OR1J2: variants seen among roughly 807,000 people sequenced by gnomAD.
OR1J2 encodes the protein olfactory receptor 1J2.
For missense variants in OR1J2, 304 were observed against 246.1 expected (o/e 1.24, Z -1.57); for synonymous variants, 142 against 99.7 (o/e 1.42, Z -2.52).
chr9:122,564,340 T>C, the OR1J2 span, among the ~76,000 whole-genome samples: 2 of 152,198 alleles, frequency 1.3e-5, no homozygotes, highest in African/African-American at 4.8e-5. Flanking sequence ...CTAATATGCA[T>C]AATTAGAATA....
the OR1J2 span, among the ~76,000 whole-genome samples, chr9:122,497,902 A>AT: frequency 6.6e-6 from 1 of 152,022 alleles, no homozygotes. Flanking sequence ...ATTTCAAAGA[A>AT]TTTTTTTATT....
the OR1J2 span, among the ~76,000 whole-genome samples, chr9:122,502,815 A>G: frequency 2.0e-5 from 3 of 152,310 alleles, no homozygotes; most frequent in East Asian, 5.8e-4. Context: ...CAGCAGAGCA[A>G]AAAGTTCAAG....
the OR1J2 span, among the ~76,000 whole-genome samples, chr9:122,540,389 T>C: frequency 6.6e-6 from 1 of 152,250 alleles, no homozygotes; most frequent in Non-Finnish European, 1.5e-5. Flanking sequence ...TCCCCACTTC[T>C]TGTTTTTGTC....
chr9:122,470,628 G>A, the OR1J2 span, among the ~76,000 whole-genome samples: 5 of 152,164 alleles, frequency 3.3e-5, no homozygotes, highest in African/African-American at 1.2e-4. Flanking sequence ...CCAGACCCCA[G>A]AATTGTAGAG....
chr9:122,484,523 T>C, the OR1J2 span, among the ~76,000 whole-genome samples: 1 of 152,250 alleles, frequency 6.6e-6, no homozygotes, highest in Admixed American at 6.5e-5. Context: ...AATGGGCAGA[T>C]TATCCTATTG....
the OR1J2 span, chr9:122,519,475 A>G: frequency 3.7e-6 from 6 of 1,613,860 alleles, no homozygotes; most frequent in South Asian, 6.6e-5. Context: ...GATCTAGACA[A>G]TTTCCTTCTC....
chr9:122,510,840 C>G lies in OR1J2; in HGVS notation c.39C>G (p.Leu13=), dbSNP rs768070987. The change falls in exon 1 of 1, where the codon CTC becomes CTG. Residue 13 remains leucine (L), a synonymous_variant. Coordinates refer to ENST00000335302, the MANE Select transcript of OR1J2 (RefSeq NM_054107.1). ...PENQSSVSEF[L]LLGLPIRPEQ... ...ACCAGAGCAGCGTGTCCGAGTTCCTCCTTCTGGGCCTCCCCATCCGGCCAG... is the reference window on the plus strand; with the variant it reads ...ACCAGAGCAGCGTGTCCGAGTTCCTGCTTCTGGGCCTCCCCATCCGGCCAG... The G allele has an allele frequency of 6.2e-7, 1 of 1,605,326 alleles. No individual in the cohort carries two copies.
chr9:122,454,462 G>A, the OR1J2 span, among the ~76,000 whole-genome samples: 36 of 152,102 alleles, frequency 2.4e-4, no homozygotes, highest in African/African-American at 8.2e-4. Context: ...AGGTTGCAGC[G>A]AGCTGAGATC....
the OR1J2 span, chr9:122,553,188 C>T: frequency 2.4e-5 from 38 of 1,609,492 alleles, no homozygotes; most frequent in Middle Eastern, 1.7e-4. Flanking sequence ...TTTTTATCTG[C>T]GCAGATCACA....
chr9:122,448,270 T>G, the OR1J2 span, among the ~76,000 whole-genome samples: 8 of 152,172 alleles, frequency 5.3e-5, no homozygotes, highest in Admixed American at 3.9e-4. Context: ...AGATTTATGC[T>G]TTTCTCCACC....
At chr9:122,502,175 A>C in the OR1J2 span, among the ~76,000 whole-genome samples, 1 of 152,220 alleles carries the variant, frequency 6.6e-6, no homozygotes, top group Non-Finnish European at 1.5e-5. Context: ...GACAGAATGC[A>C]CTGAAGCAGT....
At chr9:122,503,926 T>C in the OR1J2 span, among the ~76,000 whole-genome samples, 2 of 152,144 alleles carry the variant, frequency 1.3e-5, no homozygotes, top group East Asian at 1.9e-4. Context: ...CCCACAAACA[T>C]ATATGGCCAA....
the OR1J2 span, among the ~76,000 whole-genome samples, chr9:122,571,547 C>CAA: frequency 2.4e-4 from 31 of 126,876 alleles, no homozygotes; most frequent in African/African-American, 8.1e-4. Flanking sequence ...CAGACTGTCT[C>CAA]AAAAAAAAAA....
At chr9:122,534,637 T>G in the OR1J2 span, among the ~76,000 whole-genome samples, 1 of 151,652 alleles carries the variant, frequency 6.6e-6, no homozygotes, top group Non-Finnish European at 1.5e-5. Flanking sequence ...GGCTGAGGAA[T>G]AATTGGGACC....
At chr9:122,449,300 C>A in the OR1J2 span, among the ~76,000 whole-genome samples, 1 of 152,118 alleles carries the variant, frequency 6.6e-6, no homozygotes, top group African/African-American at 2.4e-5. Context: ...GGCATTGCAC[C>A]AGATCTGGGG....
the OR1J2 span, among the ~76,000 whole-genome samples, chr9:122,505,646 A>ATTTGTCCT: frequency 2.6e-5 from 4 of 152,018 alleles, no homozygotes; most frequent in Non-Finnish European, 4.4e-5. Context: ...TTATTATCTC[A>ATTTGTCCT]AGCTATAAAT....
At chr9:122,540,061 A>G in the OR1J2 span, among the ~76,000 whole-genome samples, 1 of 152,050 alleles carries the variant, frequency 6.6e-6, no homozygotes, top group Non-Finnish European at 1.5e-5. Flanking sequence ...CCCATTTTGT[A>G]GGTTGCCTGT....
chr9:122,528,238 G>T, the OR1J2 span, among the ~76,000 whole-genome samples: 2 of 152,128 alleles, frequency 1.3e-5, no homozygotes, highest in African/African-American at 4.8e-5. Flanking sequence ...AGATCACCTG[G>T]CCCAGAGGTC....
downstream of OR1J2, among the ~76,000 whole-genome samples, chr9:122,513,625 A>G (rs72751222): frequency 1.1e-4 from 17 of 151,900 alleles, no homozygotes; most frequent in African/African-American, 3.1e-4. Flanking sequence ...TGCTGCATGT[A>G]TCAACCGGTC....
Sources: gnomAD v4.1 joint callset for allele counts (sites outside exome capture counted in the v4.1 genomes callset) on GRCh38, gnomAD v4.1.1 for gene constraint, MANE v1.5 for transcripts, NCBI Gene and HGNC (gene_info 2026-07-23, HGNC 2026-07-21) for gene names.